Variants in PRDM16 observed in about 807,000 individuals in gnomAD.
The protein encoded by PRDM16 is histone-lysine N-methyltransferase PRDM16.
Under a neutral mutation model 110.6 loss-of-function variants are expected in PRDM16, and 23 were observed. That is an observed-to-expected ratio of 0.21 (90% confidence interval 0.15 to 0.29). PRDM16 has a LOEUF of 0.29. Among genes scored for constraint, PRDM16 ranks in the 10% least tolerant of loss-of-function variants. The pLI is 1.00. For synonymous variants in PRDM16, 799 were observed against 781.8 expected, an observed-to-expected ratio of 1.02 and a Z score of -0.37; for missense variants, 1,615 against 1,794.3, an observed-to-expected ratio of 0.90 and a Z score of 1.81.
chr1:3,373,895 G>A (rs1642949772), intron 3 of PRDM16, among the ~76,000 whole-genome samples: 1 of 152,258 alleles, frequency 6.6e-6, no homozygotes, highest in South Asian at 2.1e-4. Flanking sequence ...GCAGGGAACA[G>A]ACCCTGTCCT....
intron 1 of PRDM16, among the ~76,000 whole-genome samples, chr1:3,124,370 G>C (rs1028380700): frequency 6.6e-6 from 1 of 152,242 alleles, no homozygotes; most frequent in Non-Finnish European, 1.5e-5. Flanking sequence ...TGGTTTCCCT[G>C]AGTGGTTCTT....
intron 1 of PRDM16, among the ~76,000 whole-genome samples, chr1:3,140,644 TA>T (rs1231891315): frequency 6.6e-6 from 1 of 152,246 alleles, no homozygotes; most frequent in Non-Finnish European, 1.5e-5. Flanking sequence ...CTCAGGGCTG[TA>T]AAAACCGGGA....
chr1:3,228,947 T>C (rs1179597181), intron 2 of PRDM16, among the ~76,000 whole-genome samples: 2 of 152,178 alleles, frequency 1.3e-5, no homozygotes. Context: ...GAAGAGCAAA[T>C]AAATCACACT....
At chr1:3,363,165 G>A (rs1642747359) in intron 3 of PRDM16, among the ~76,000 whole-genome samples, 1 of 152,140 alleles carries the variant, frequency 6.6e-6, no homozygotes, top group African/African-American at 2.4e-5. Context: ...CAGCCCGGGG[G>A]TCGGGTGGTA....
intron 1 of PRDM16, among the ~76,000 whole-genome samples, chr1:3,180,909 TACACGCAGCCTTACACACGCAGCCAC>T (rs1557507132): frequency 1.6e-4 from 21 of 131,044 alleles, no homozygotes; most frequent in Non-Finnish European, 2.5e-4. Context: ...CACGCAGTCT[TACACGCAGCCTTACACACGCAGCCAC>T]ACACGCAGCC....
intron 12 of PRDM16, among the ~76,000 whole-genome samples, chr1:3,419,484 G>A (rs766636551): frequency 1.3e-5 from 2 of 152,154 alleles, no homozygotes; most frequent in African/African-American, 4.8e-5. Context: ...ATGAATCACC[G>A]GGGTCAGTGC....
At position 3,149,680 on chromosome 1, in the gene PRDM16, C is replaced by T. The variant is rs559504893; in HGVS notation, c.38-36445C>T. On this transcript the variant is annotated intron_variant, in intron 1 of 16. Coordinates refer to ENST00000270722, the MANE Select transcript of PRDM16 (RefSeq NM_022114.4). ...CCCCTGGCCCACAGTTAGGGAATGC[C>T]CTTTTATGCAAGATGGTGCTGAATT... 5.9e-5 allele frequency among the ~76,000 whole-genome samples: 9 copies of T among 152,330 alleles called. 1 individual carries two copies. The South Asian group carries it at 1.9e-3, about 32-fold the overall frequency.
At chr1:3,181,201 C>T (rs1644164540) in intron 1 of PRDM16, among the ~76,000 whole-genome samples, 1 of 135,166 alleles carries the variant, frequency 7.4e-6, no homozygotes, top group Non-Finnish European at 1.6e-5. Flanking sequence ...TACGGTCTTA[C>T]ACACGGTCTT....
chr1:3,095,002 G>A (rs1240625971), intron 1 of PRDM16, among the ~76,000 whole-genome samples: 1 of 152,252 alleles, frequency 6.6e-6, no homozygotes, highest in East Asian at 1.9e-4. Context: ...GCGAGATGAA[G>A]CCAGCAGGAG....
At chr1:3,176,180 T>TCCATCC (rs1644085598) in intron 1 of PRDM16, among the ~76,000 whole-genome samples, 2 of 34,050 alleles carry the variant, frequency 5.9e-5, no homozygotes, top group African/African-American at 1.8e-4. Context: ...TCCATCCATC[T>TCCATCC]ATCCATCCAT....
chr1:3,212,696 T>TCATCCTCCCAGCCCCCTCG (rs1330008564), intron 2 of PRDM16, among the ~76,000 whole-genome samples: 1 of 74,122 alleles, frequency 1.3e-5, no homozygotes, highest in African/African-American at 1.7e-4. Context: ...TGCGGTCCTC[T>TCATCCTCCCAGCCCCCTCG]CTGCCACTGT....
At chr1:3,277,441 C>T (rs1411174434) in intron 3 of PRDM16, among the ~76,000 whole-genome samples, 6 of 152,260 alleles carry the variant, frequency 3.9e-5, no homozygotes, top group South Asian at 2.1e-4. Context: ...CCATGGGGCG[C>T]ACTTGCTCAG....
intron 14 of PRDM16, 102 bp from the exon 15 acceptor site, chr1:3,430,770 C>A: frequency 1.5e-6 from 2 of 1,371,584 alleles, no homozygotes; most frequent in Non-Finnish European, 2.0e-6. Flanking sequence ...TGAGTGTTGT[C>A]GGGGGAGGCA....
intron 3 of PRDM16, among the ~76,000 whole-genome samples, chr1:3,349,112 C>T (rs919325787): frequency 3.3e-5 from 5 of 152,214 alleles, no homozygotes; most frequent in African/African-American, 9.7e-5. Flanking sequence ...AGCCAGGAGT[C>T]AATGCATTTC....
intron 3 of PRDM16, among the ~76,000 whole-genome samples, chr1:3,296,458 G>T (rs906034409): frequency 6.6e-6 from 1 of 152,250 alleles, no homozygotes; most frequent in African/African-American, 2.4e-5. Flanking sequence ...CTGGCCTTCC[G>T]GAGCCTGTCA....
intron 3 of PRDM16, among the ~76,000 whole-genome samples, chr1:3,253,836 G>A (rs1009826796): frequency 6.6e-6 from 1 of 152,078 alleles, no homozygotes; most frequent in Non-Finnish European, 1.5e-5. Context: ...CAGTGTAAAA[G>A]TGTTCCTATT....
rs1224278880 is a variant in PRDM16, at chr1:3,255,611, CCTT to C, written c.438+11475_438+11477del. On this transcript the variant is annotated intron_variant, in intron 3 of 16. Coordinates refer to ENST00000270722, the MANE Select transcript of PRDM16 (RefSeq NM_022114.4). The surrounding 1 kb of genome is among the most constrained non-coding windows in gnomAD (Gnocchi z 4.7). ...GCTCGAAACAGCACACGGTGCCCCTCCTTATCGCATTCAACTTAGCTGCTGTGG... is the reference window on the plus strand; with the variant it reads ...GCTCGAAACAGCACACGGTGCCCCTCATCGCATTCAACTTAGCTGCTGTGG... 2.0e-5 allele frequency among the ~76,000 whole-genome samples: 3 copies of C among 152,210 alleles called. No individual in the cohort carries two copies. The highest frequency in any genetic ancestry group is 7.2e-5 in the African/African-American group (3 of 41,450).
chr1:3,312,336 C>T (rs1320735103), intron 3 of PRDM16, among the ~76,000 whole-genome samples: 3 of 152,224 alleles, frequency 2.0e-5, no homozygotes, highest in Non-Finnish European at 4.4e-5. Context: ...TAGCAGCAGC[C>T]TCTCACTGGG....
rs79287755 is a variant in PRDM16, at chr1:3,203,203, A to G, written c.387+16729A>G. 5.5e-3 allele frequency among the ~76,000 whole-genome samples: 837 copies of G among 152,304 alleles called. 8 individuals are homozygous for G. Among genetic ancestry groups the G allele is most frequent in the African/African-American group, 0.017 (700 of 41,570 alleles). ...CTGATTTTCTCAAAGAAGTTAGGCT[A>G]TGGGTGGTGGGGGGCCAGGGCTTTG... is the stretch of plus-strand genomic sequence containing the variant. On this transcript the variant is annotated intron_variant, in intron 2 of 16. Coordinates refer to ENST00000270722, the MANE Select transcript of PRDM16 (RefSeq NM_022114.4).
Sources: allele counts gnomAD v4.1 joint callset (sites outside exome capture counted in the v4.1 genomes callset), GRCh38; gene constraint gnomAD v4.1.1; non-coding constraint Gnocchi (gnomAD v3.1); transcripts MANE v1.5; gene names NCBI Gene and HGNC (gene_info 2026-07-23, HGNC 2026-07-21).